The following USP34 variants were observed in gnomAD, a reference collection of about 807,000 sequenced individuals.
USP34 encodes ubiquitin specific peptidase 34.
USP34 carries 70 observed loss-of-function variants against 460.3 expected under a neutral mutation model. The observed-to-expected ratio is 0.15, with a 90% CI of 0.13 to 0.19. USP34 has a LOEUF of 0.19. Ranked by LOEUF, USP34 falls within the 10% of genes least tolerant of loss-of-function variation. The pLI, the probability that USP34 is intolerant of heterozygous loss-of-function variation, is 1.00. For synonymous variants in USP34, 1,647 were observed against 1,405.3 expected (o/e 1.17, Z -3.85); for missense variants, 3,985 against 4,236.2 (o/e 0.94, Z 1.65).
intron 75 of USP34, among the ~76,000 whole-genome samples, chr2:61,196,068 G>A (rs1420419778): frequency 2.1e-4 from 10 of 47,032 alleles, no homozygotes; most frequent in Non-Finnish European, 4.3e-4. Flanking sequence ...CACCATGCAC[G>A]ATTTTTTTTT....
Position 61,371,803 on chromosome 2 carries a change from C to T in USP34, c.1077-1224G>A, listed in dbSNP as rs528272997. Among the ~76,000 whole-genome samples, 8 of 152,214 alleles carry T rather than the reference C, an allele frequency of 5.3e-5. No individual in the cohort carries two copies. The South Asian group carries it at 1.5e-3, about 28-fold the overall frequency. On this transcript the variant is annotated intron_variant, in intron 8 of 79. Coordinates refer to ENST00000398571, the MANE Select transcript of USP34 (RefSeq NM_014709.4). ...TGGTAAGCGTCCTATACAGGCAATACCCTATTTTATCTTTTTTGCAGGTTT... is the reference window on the plus strand; with the variant it reads ...TGGTAAGCGTCCTATACAGGCAATATCCTATTTTATCTTTTTTGCAGGTTT...
At chr2:61,257,180 A>G in intron 45 of USP34, 24 bp downstream of exon 45, 1 of 1,586,304 alleles carries the variant, frequency 6.3e-7, no homozygotes, top group Non-Finnish European at 8.5e-7. Context: ...TTTCAAAGAA[A>G]CTTTTCAGTA....
In USP34 at chr2:61,405,854, C is replaced by T; in HGVS notation, c.406G>A (p.Glu136Lys). The T allele has an allele frequency of 1.2e-6, 2 of 1,613,902 alleles. No individual in the cohort carries two copies. The highest frequency in any genetic ancestry group is 2.2e-5 in the South Asian group (2 of 91,054). Residue 136 changes from glutamate to lysine, a missense_variant, in exon 3 of 80, where the codon GAG (glutamate) becomes AAG (lysine). Coordinates refer to ENST00000398571, the MANE Select transcript of USP34 (RefSeq NM_014709.4). ...TCAGAACTCTTTGAAGATTCCTCCT[C>T]AGTCAGATTACAAATTCTTGTAGAG... ...SNSTRICNLT[E>K]EESSKSSDPF...
intron 10 of USP34, among the ~76,000 whole-genome samples, chr2:61,355,706 C>T (rs1303220833): frequency 6.6e-6 from 1 of 151,988 alleles, no homozygotes; most frequent in Non-Finnish European, 1.5e-5. Context: ...GGCAGAAAAA[C>T]ACTACAAGAC....
At chr2:61,318,645 A>C (rs955183029) in intron 22 of USP34, among the ~76,000 whole-genome samples, 2 of 152,224 alleles carry the variant, frequency 1.3e-5, no homozygotes, top group African/African-American at 4.8e-5. Flanking sequence ...ATGTCACCTG[A>C]ACTGTGGCAT....
intron 41 of USP34, among the ~76,000 whole-genome samples, chr2:61,271,089 G>T (rs1335842540): frequency 6.6e-6 from 1 of 151,992 alleles, no homozygotes; most frequent in Non-Finnish European, 1.5e-5. Flanking sequence ...TTCGAGACCA[G>T]CATGGCCAAC....
chr2:61,242,067 G>A (rs1558485907), intron 51 of USP34, among the ~76,000 whole-genome samples: 1 of 151,890 alleles, frequency 6.6e-6, no homozygotes, highest in Admixed American at 6.6e-5. Flanking sequence ...TTGAGACTGA[G>A]AAAATTTTAC....
intron 10 of USP34, among the ~76,000 whole-genome samples, chr2:61,360,943 C>T (rs921744174): frequency 6.6e-6 from 1 of 152,134 alleles, no homozygotes; most frequent in East Asian, 1.9e-4. Context: ...GATTAATAGG[C>T]GTGTGCCACC....
At chr2:61,456,748 T>C (rs925894480) in intron 1 of USP34, among the ~76,000 whole-genome samples, 3 of 151,844 alleles carry the variant, frequency 2.0e-5, no homozygotes, top group Non-Finnish European at 2.9e-5. Context: ...AGCCCAGGAG[T>C]TCACGACCAG....
chr2:61,372,948 C>T (rs2103843215), intron 8 of USP34, among the ~76,000 whole-genome samples: 1 of 149,964 alleles, frequency 6.7e-6, no homozygotes. Context: ...AAGAAATCCA[C>T]ATCTACACAT....
At chr2:61,436,203 T>G (rs541812270) in intron 1 of USP34, among the ~76,000 whole-genome samples, 1 of 151,552 alleles carries the variant, frequency 6.6e-6, no homozygotes, top group African/African-American at 2.4e-5. Context: ...CAGTGGCTCA[T>G]GCTGTAATCT....
At chr2:61,232,149 T>A (rs529644761) in intron 58 of USP34, among the ~76,000 whole-genome samples, 2 of 152,190 alleles carry the variant, frequency 1.3e-5, no homozygotes, top group South Asian at 4.1e-4. Flanking sequence ...TTTAAAAGAA[T>A]CAGTATAACT....
intron 1 of USP34, among the ~76,000 whole-genome samples, chr2:61,458,010 G>C (rs998177687): frequency 1.3e-5 from 2 of 152,090 alleles, no homozygotes; most frequent in African/African-American, 4.8e-5. Flanking sequence ...TCAACCCACA[G>C]TGATCTTACG....
At chr2:61,260,347 A>G (rs1225261945) in intron 43 of USP34, among the ~76,000 whole-genome samples, 1 of 152,190 alleles carries the variant, frequency 6.6e-6, no homozygotes, top group Non-Finnish European at 1.5e-5. Context: ...TATAGGAAAG[A>G]TCCATATTCA....
At chr2:61,416,397 T>TCA (rs1284473979) in intron 2 of USP34, among the ~76,000 whole-genome samples, 1 of 152,156 alleles carries the variant, frequency 6.6e-6, no homozygotes, top group Non-Finnish European at 1.5e-5. Context: ...ACAGAGAACC[T>TCA]CACCCTGGCT....
intron 69 of USP34, among the ~76,000 whole-genome samples, chr2:61,209,852 G>A (rs1323609030): frequency 6.6e-6 from 1 of 152,176 alleles, no homozygotes; most frequent in African/African-American, 2.4e-5. Context: ...AGATGTGGAG[G>A]TGGGAGACAG....
chr2:61,369,151 T>C (rs1312493457), intron 10 of USP34, among the ~76,000 whole-genome samples: 2 of 152,242 alleles, frequency 1.3e-5, no homozygotes, highest in South Asian at 2.1e-4. Flanking sequence ...AAAGATCATG[T>C]AATTTAATGT....
At chr2:61,390,522 G>A (rs1025623917) in intron 5 of USP34, among the ~76,000 whole-genome samples, 6 of 152,346 alleles carry the variant, frequency 3.9e-5, no homozygotes, top group African/African-American at 1.4e-4. Flanking sequence ...TGTGGGTGCA[G>A]CTGTTATTAA....
intron 3 of USP34, among the ~76,000 whole-genome samples, chr2:61,402,757 CA>C (rs1462977594): frequency 9.9e-5 from 15 of 152,242 alleles, no homozygotes; most frequent in African/African-American, 3.6e-4. Context: ...ACTAGATGGA[CA>C]ATTTCCTCAA....
Sources: gnomAD v4.1 joint callset for allele counts (sites outside exome capture counted in the v4.1 genomes callset) on GRCh38, gnomAD v4.1.1 for gene constraint, MANE v1.5 for transcripts, NCBI Gene and HGNC (gene_info 2026-07-23, HGNC 2026-07-21) for gene names.